ALOX15: variants seen among roughly 807,000 people sequenced by gnomAD.
ALOX15 encodes the protein polyunsaturated fatty acid lipoxygenase ALOX15.
A neutral mutation model predicts 71.7 loss-of-function variants in ALOX15; 68 were observed. The observed-to-expected ratio is 0.95, with a 90% confidence interval of 0.78 to 1.16. The LOEUF is 1.16. Ranked by LOEUF, ALOX15 falls within the 50% of genes most tolerant of loss-of-function variation. The pLI, the probability that ALOX15 is intolerant of heterozygous loss-of-function variation, is 0.00. For missense variants in ALOX15, 798 were observed against 818.8 expected (o/e 0.97, Z 0.31); for synonymous variants, 346 against 333.3 (o/e 1.04, Z -0.42).
Position 4,639,134 on chromosome 17 carries a change from TAGA to T in ALOX15, c.338-5_338-3del, listed in dbSNP as rs752021750. 3.1e-6 allele frequency: 5 copies of T among 1,614,130 alleles called. No individual in the cohort carries two copies. Among genetic ancestry groups the T allele is most frequent in the South Asian group, 1.1e-5 (1 of 91,084 alleles). ...GAGGGTCCTCGCCCACAGTGCGGCC[TAGA>T]AGGACAGAGGAGGACTTGGCCAGTG... On this transcript the variant is annotated splice_region_variant and splice_polypyrimidine_tract_variant and intron_variant, in intron 2 of 13. Coordinates refer to ENST00000293761, the MANE Select transcript of ALOX15 (RefSeq NM_001140.5).
chr17:4,638,670 GC>G lies in ALOX15; in HGVS notation c.556del (p.Ala186LeufsTer6), dbSNP rs1231625488. On this transcript the variant is annotated frameshift_variant, in exon 5 of 14. Transcript: ENST00000293761. LOFTEE classifies it high-confidence loss of function. Reference protein sequence around the residue: ...VSLAKGLADLAIKDSLNVLTC... With the variant: ...VSLAKGLADLXIKDSLNVLTC... ...CAGAACATTTAGAGAGTCTTTGATA[GC>G]GAGGTCGGCCAGCCTTCAGGGCAGG... 1.2e-6 allele frequency: 2 copies of G among 1,614,192 alleles called. No homozygotes were observed. The highest frequency in any genetic ancestry group is 3.3e-5 in the Admixed American group (2 of 60,026).
chr17:4,634,222 T>G (rs1012130069), intron 8 of ALOX15, among the ~76,000 whole-genome samples: 1 of 152,206 alleles, frequency 6.6e-6, no homozygotes, highest in Non-Finnish European at 1.5e-5. Context: ...ACCACTGAGC[T>G]TTCAGTTGAT....
intron 7 of ALOX15, 84 bp downstream of exon 7, chr17:4,637,031 C>A (rs1911122337): frequency 2.0e-6 from 3 of 1,506,934 alleles, no homozygotes; most frequent in Non-Finnish European, 1.8e-6. Flanking sequence ...AGTGCCTTTG[C>A]AGATGGTGCT....
chr17:4,636,795 G>A (rs530469699), intron 7 of ALOX15, among the ~76,000 whole-genome samples: 26 of 151,960 alleles, frequency 1.7e-4, no homozygotes, highest in East Asian at 1.9e-4. Context: ...TGCCCCTGAG[G>A]ACCGGTCCTT....
Position 4,638,640 on chromosome 17 carries a change from CA to C in ALOX15, c.586del (p.Cys196AlafsTer5). 6.2e-7 allele frequency: 1 copy of C among 1,614,202 alleles called. No individual in the cohort carries two copies. Among genetic ancestry groups the C allele is most frequent in the Admixed American group, 1.7e-5 (1 of 60,020 alleles). ...AIKDSLNVLT[C>X]WKDLDDFNRI... is the part of the protein sequence containing the mutation. ...GTTGAAGTCATCTAGATCCTTCCAGCAAGTCAGAACATTTAGAGAGTCTTTG... is the reference window on the plus strand; with the variant it reads ...GTTGAAGTCATCTAGATCCTTCCAGCAGTCAGAACATTTAGAGAGTCTTTG... On this transcript the variant is annotated frameshift_variant, in exon 5 of 14. Coordinates refer to ENST00000293761, the MANE Select transcript of ALOX15 (RefSeq NM_001140.5). LOFTEE classifies it high-confidence loss of function.
intron 7 of ALOX15, among the ~76,000 whole-genome samples, chr17:4,636,724 G>A (rs1477964279): frequency 6.6e-6 from 1 of 152,132 alleles, no homozygotes; most frequent in Non-Finnish European, 1.5e-5. Flanking sequence ...TCTGGCTTCT[G>A]GTCCAACTGT....
chr17:4,633,590 G>C, intron 8 of ALOX15, 90 bp from the exon 9 acceptor site: 1 of 1,122,046 alleles, frequency 8.9e-7, no homozygotes, highest in Non-Finnish European at 1.3e-6. Flanking sequence ...AAAGGCACCA[G>C]GTCTTCAGAA....
rs1038936750 is a variant in ALOX15 at position 4,641,385 on chromosome 17, CTT to C, written c.135+130_135+131del. On this transcript the variant is annotated intron_variant, in intron 1 of 13. Coordinates refer to ENST00000293761, the MANE Select transcript of ALOX15 (RefSeq NM_001140.5). Reference sequence around the variant, plus strand: ...CCCCCACCCCCGTGGCCTCCGCGCGCTTTGAGCCCAATGCGCGGGCCCTTGGC... The same window carrying C: ...CCCCCACCCCCGTGGCCTCCGCGCGCTGAGCCCAATGCGCGGGCCCTTGGC... 5 of 1,383,832 alleles carry C rather than the reference CTT, an allele frequency of 3.6e-6. No individual in the cohort carries two copies. In the African/African-American group the frequency reaches 5.8e-5, roughly 16 times the overall value. The allele number at this position is 1,383,832 out of a possible 1,614,324, so 85.7% of individuals were successfully genotyped here.
At chr17:4,633,600 A>G in intron 8 of ALOX15, 100 bp from the exon 9 acceptor site, 1 of 994,224 alleles carries the variant, frequency 1.0e-6, no homozygotes, top group Non-Finnish European at 1.6e-6. Flanking sequence ...GGTCTTCAGA[A>G]AAAGCACAGA....
chr17:4,635,066 C>G (rs1911050268), intron 8 of ALOX15, among the ~76,000 whole-genome samples: 1 of 151,962 alleles, frequency 6.6e-6, no homozygotes, highest in Admixed American at 6.6e-5. Context: ...TAACCACTGC[C>G]TCCCTCCAGA....
chr17:4,637,964 C>A (rs1363131608), intron 6 of ALOX15, among the ~76,000 whole-genome samples: 3 of 152,120 alleles, frequency 2.0e-5, no homozygotes, highest in African/African-American at 4.8e-5. Context: ...GCACCAGGGG[C>A]CAGTCACATT....
chr17:4,638,848 A>G lies in ALOX15; in HGVS notation c.542+2T>C. 7 of 1,613,934 alleles carry G rather than the reference A, an allele frequency of 4.3e-6. No individual in the cohort carries two copies. The highest frequency in any genetic ancestry group is 1.7e-5 in the Admixed American group (1 of 59,984). On this transcript the variant is annotated splice_donor_variant, in intron 4 of 13. Coordinates refer to ENST00000293761, the MANE Select transcript of ALOX15 (RefSeq NM_001140.5). LOFTEE classifies it high-confidence loss of function. Reference sequence around the variant, plus strand: ...TCTCACCCAGCCTCCCCTTGCTCTCACCCCTTGGCCAGCGAAACCTCAAAG... The same window carrying G: ...TCTCACCCAGCCTCCCCTTGCTCTCGCCCCTTGGCCAGCGAAACCTCAAAG...
In ALOX15 at chr17:4,632,726, G is replaced by A. The variant is rs1422084947; in HGVS notation, c.1540+135C>T. On this transcript the variant is annotated intron_variant, in intron 11 of 13. Transcript: ENST00000293761. ...GGGACCTGTCTCTAGGTGACAGGGA[G>A]TGGAATCTGAGAAGGCCTCTGGAGT... 10 of 1,409,862 alleles carry A rather than the reference G, an allele frequency of 7.1e-6. No individual in the cohort carries two copies. In the East Asian group the frequency reaches 1.6e-4, roughly 23 times the overall value. The allele number at this position is 1,409,862 out of a possible 1,614,324, so 87.3% of individuals were successfully genotyped here.
Position 4,633,287 on chromosome 17 carries a change from A to C in ALOX15, c.1277T>G (p.Val426Gly), listed in dbSNP as rs138381552. 164 of 1,614,118 alleles carry C rather than the reference A, an allele frequency of 1.0e-4. No homozygotes were observed. The African/African-American group carries it at 2.1e-3, about 20-fold the overall frequency. The change falls in exon 10 of 14, where the codon GTG becomes GGG. Residue 426 changes from valine (V) to glycine (G), a missense_variant. By Grantham distance (109) the Val-to-Gly change is moderately radical. Transcript: ENST00000293761. ...GGCTCCAGCTTGCTTGAGCAGCTGC[A>C]CGTGGCCTCCCCCACCAGTGCTCAT... ...QIMSTGGGGH[V>G]QLLKQAGAFL... is the part of the protein sequence containing the mutation.
At position 4,632,312 on chromosome 17, in the gene ALOX15, G is replaced by A. The variant is rs761685166; in HGVS notation, c.1541-31C>T. The A allele has an allele frequency of 3.1e-5, 49 of 1,580,664 alleles. No homozygotes were observed. In the Middle Eastern group the frequency reaches 1.0e-3, roughly 32 times the overall value. ...AGGGGTGAAGAGAGTTAGAAGCTGC[G>A]AAGGCAGGAGTAGGGCAGCGCTCAG... On this transcript the variant is annotated intron_variant, in intron 11 of 13. Transcript: ENST00000293761.
At chr17:4,640,740 G>T (rs1911292943) in intron 1 of ALOX15, among the ~76,000 whole-genome samples, 1 of 151,472 alleles carries the variant, frequency 6.6e-6, no homozygotes, top group Non-Finnish European at 1.5e-5. Flanking sequence ...GCGGTCGGGG[G>T]CGGGACGGAT....
In ALOX15 at chr17:4,631,947, T is replaced by C; in HGVS notation, c.1751A>G (p.His584Arg). 6.2e-7 allele frequency: 1 copy of C among 1,614,052 alleles called. No individual in the cohort carries two copies. The highest frequency in any genetic ancestry group is 8.5e-7 in the Non-Finnish European group (1 of 1,180,014). The change falls in exon 13 of 14, where the codon CAC becomes CGC. Residue 584 changes from histidine (H) to arginine (R), a missense_variant. This residue lies in a region of ALOX15 where 490 missense variants were observed against 509.4 expected (regional missense o/e 0.96). Transcript: ENST00000293761. Reference sequence around the variant, plus strand: ...GATGGACATCTGGAGAGAAGCCTGGTGGAAGTTGGGCAGTGTCGCCATCAC... The same window carrying C: ...GATGGACATCTGGAGAGAAGCCTGGCGGAAGTTGGGCAGTGTCGCCATCAC... The part of the protein sequence containing the change: ...ETVMATLPNF[H>R]QASLQMSITW...
At chr17:4,632,349 A>G (rs746392710) in intron 11 of ALOX15, 68 bp from the exon 12 acceptor site, 501 of 1,288,080 alleles carry the variant, frequency 3.9e-4, no homozygotes, top group Non-Finnish European at 5.0e-4. Flanking sequence ...GGAAGAGGCC[A>G]AGAGAGGAGA....
intron 9 of ALOX15, 47 bp downstream of exon 9, chr17:4,633,367 G>C (rs1910984753): frequency 4.3e-6 from 7 of 1,611,606 alleles, no homozygotes; most frequent in Non-Finnish European, 5.1e-6. Flanking sequence ...CCTGAATCCA[G>C]AGCTGGAAAA....
Sources: allele counts gnomAD v4.1 joint callset (sites outside exome capture counted in the v4.1 genomes callset), GRCh38; gene constraint gnomAD v4.1.1; regional missense constraint gnomAD v4.1.1; transcripts MANE v1.5; gene names NCBI Gene and HGNC (gene_info 2026-07-23, HGNC 2026-07-21).